AGBL1: variants seen among roughly 807,000 people sequenced by gnomAD.
AGBL1 encodes AGBL carboxypeptidase 1.
In AGBL1, 130 loss-of-function variants were observed where a neutral mutation model predicts 118.9. The ratio of observed to expected loss-of-function variants is 1.09; its 90% CI spans 0.95 to 1.26. The LOEUF (loss-of-function observed/expected upper bound fraction) is 1.26. Among genes scored for constraint, AGBL1 ranks in the 50% most tolerant of loss-of-function variants. The pLI is 0.00. For synonymous variants in AGBL1, 555 were observed against 478.9 expected (o/e 1.16, Z -2.08); for missense variants, 1,584 against 1,298.1 (o/e 1.22, Z -3.38).
At chr15:86,221,319 T>C (rs1346367951) in intron 5 of AGBL1, among the ~76,000 whole-genome samples, 3 of 152,226 alleles carry the variant, frequency 2.0e-5, no homozygotes, top group African/African-American at 7.2e-5. Context: ...CCAAAGGCAC[T>C]GACTGTGGGC....
At chr15:86,968,814 G>T (rs930793765) in intron 23 of AGBL1, among the ~76,000 whole-genome samples, 2 of 151,896 alleles carry the variant, frequency 1.3e-5, no homozygotes, top group African/African-American at 4.8e-5. Flanking sequence ...GATACCAGGA[G>T]ATTCGGTGTC....
At position 86,154,455 on chromosome 15, in the gene AGBL1, A is replaced by G. The variant is rs1240606935; in HGVS notation, c.288A>G (p.Leu96=). 3 of 1,612,852 alleles carry G rather than the reference A, an allele frequency of 1.9e-6. No individual in the cohort carries two copies. The highest frequency in any genetic ancestry group is 2.5e-6 in the Non-Finnish European group (3 of 1,179,436). ...ATAAAAAGATTGGACGGAAGGCCCTAGAATTGGAAGCACTTGATGTGACAT... is the reference window on the plus strand; with the variant it reads ...ATAAAAAGATTGGACGGAAGGCCCTGGAATTGGAAGCACTTGATGTGACAT... ...LRDKKIGRKA[L]ELEALDVTLI... The change falls in exon 4 of 23, where the codon CTA becomes CTG. Residue 96 remains leucine, a synonymous_variant. Coordinates refer to ENST00000614907, the MANE Select transcript of AGBL1 (RefSeq NM_001386094.1).
Position 86,267,395 on chromosome 15 carries a change from C to T in AGBL1, c.1838+319C>T, listed in dbSNP as rs79949544. Among the ~76,000 whole-genome samples the T allele has an allele frequency of 1.0e-2, 1,515 of 152,226 alleles. 31 individuals are homozygous for T. The highest frequency in any genetic ancestry group is 0.032 in the African/African-American group (1,313 of 41,538). The stretch of plus-strand genomic sequence containing the variant: ...TGTTTCAAATAATGGGTCCATATTT[C>T]GGTGTGAGAGCACTTTGACTGGGAT... On this transcript the variant is annotated intron_variant, in intron 13 of 22. Transcript: ENST00000614907.
At chr15:86,400,159 A>G (rs1019027385) in intron 18 of AGBL1, among the ~76,000 whole-genome samples, 3 of 152,112 alleles carry the variant, frequency 2.0e-5, no homozygotes, top group Non-Finnish European at 2.9e-5. Flanking sequence ...ATTTTATTTC[A>G]GGGCATGCCC....
chr15:86,448,273 C>A (rs1384722317), intron 18 of AGBL1, among the ~76,000 whole-genome samples: 1 of 152,140 alleles, frequency 6.6e-6, no homozygotes, highest in Non-Finnish European at 1.5e-5. Flanking sequence ...GATTTGTTAG[C>A]CATCATTGTT....
At chr15:86,457,238 C>T (rs949671084) in intron 18 of AGBL1, among the ~76,000 whole-genome samples, 3 of 152,122 alleles carry the variant, frequency 2.0e-5, no homozygotes, top group African/African-American at 7.2e-5. Context: ...GACTAAAACC[C>T]AGCATAAGCA....
intron 21 of AGBL1, among the ~76,000 whole-genome samples, chr15:86,633,687 T>C (rs2447278): frequency 0.91 from 136,986 of 150,996 alleles, 62,313 homozygotes; most frequent in East Asian, 1. Context: ...TTCTGTCTTA[T>C]ATTTCAAACA....
At chr15:86,580,070 C>T (rs1264344676) in intron 21 of AGBL1, among the ~76,000 whole-genome samples, 4 of 152,104 alleles carry the variant, frequency 2.6e-5, no homozygotes, top group African/African-American at 4.8e-5. Flanking sequence ...AAGTCCATGG[C>T]CAATTTCTTC....
At chr15:86,192,764 A>G (rs918767778) in intron 5 of AGBL1, among the ~76,000 whole-genome samples, 2 of 152,220 alleles carry the variant, frequency 1.3e-5, no homozygotes, top group African/African-American at 2.4e-5. Flanking sequence ...GTCATTAAAA[A>G]TCAGATGTCA....
Position 86,101,746 on chromosome 15 carries a change from T to G in AGBL1, c.51+21723T>G, listed in dbSNP as rs1410228584. Among the ~76,000 whole-genome samples the G allele has an allele frequency of 1.3e-5, 2 of 152,178 alleles. 1 individual carries two copies. Among genetic ancestry groups the G allele is most frequent in the African/African-American group, 4.8e-5 (2 of 41,448 alleles). On this transcript the variant is annotated intron_variant, in intron 1 of 22. Transcript: ENST00000614907. Reference sequence around the variant, plus strand: ...GAATATATTTTTCTATCCCCTGACTTTCACCTATATGTTTCTTTACAGGTG... The same window carrying G: ...GAATATATTTTTCTATCCCCTGACTGTCACCTATATGTTTCTTTACAGGTG...
At chr15:86,976,960 C>G (rs528137445) in intron 23 of AGBL1, among the ~76,000 whole-genome samples, 7 of 151,910 alleles carry the variant, frequency 4.6e-5, no homozygotes, top group Non-Finnish European at 1.0e-4. Flanking sequence ...ACATTTGCAG[C>G]ATGTTATATT....
At chr15:86,412,187 A>T (rs535991964) in intron 18 of AGBL1, among the ~76,000 whole-genome samples, 1 of 152,354 alleles carries the variant, frequency 6.6e-6, no homozygotes, top group Non-Finnish European at 1.5e-5. Flanking sequence ...CTATACAGAC[A>T]TGCATTCACC....
intron 5 of AGBL1, among the ~76,000 whole-genome samples, chr15:86,171,852 A>G (rs940823960): frequency 6.6e-6 from 1 of 152,216 alleles, no homozygotes; most frequent in African/African-American, 2.4e-5. Context: ...GTGGGATACC[A>G]CTTAGCCATA....
At chr15:86,433,266 C>CTT (rs59417397) in intron 18 of AGBL1, among the ~76,000 whole-genome samples, 1,282 of 74,732 alleles carry the variant, frequency 0.017, 241 homozygotes, top group African/African-American at 0.049. Flanking sequence ...CCTCCTTCTT[C>CTT]TTTTTTTTTT....
At chr15:86,825,686 AGAG>A (rs1266664322) in intron 22 of AGBL1, among the ~76,000 whole-genome samples, 24 of 124,680 alleles carry the variant, frequency 1.9e-4, no homozygotes, top group African/African-American at 7.4e-4. Flanking sequence ...GAAGGAAGGG[AGAG>A]AGGGAGGGAG....
At chr15:86,143,181 C>G (rs987232601) in intron 2 of AGBL1, among the ~76,000 whole-genome samples, 1 of 152,180 alleles carries the variant, frequency 6.6e-6, no homozygotes, top group Non-Finnish European at 1.5e-5. Context: ...ATGTTTCTTT[C>G]TCAAGGGACT....
At chr15:86,347,865 A>G (rs1297984846) in intron 17 of AGBL1, among the ~76,000 whole-genome samples, 1 of 152,240 alleles carries the variant, frequency 6.6e-6, no homozygotes, top group African/African-American at 2.4e-5. Flanking sequence ...TTGCTCTATC[A>G]GCTGCCATTG....
intron 24 of AGBL1, among the ~76,000 whole-genome samples, chr15:87,016,037 G>C (rs941732402): frequency 8.5e-5 from 13 of 152,114 alleles, no homozygotes; most frequent in Non-Finnish European, 1.9e-4. Flanking sequence ...TGACTTTATT[G>C]CTTAACCAAG....
intron 17 of AGBL1, among the ~76,000 whole-genome samples, chr15:86,364,471 C>T (rs993294807): frequency 6.6e-6 from 1 of 152,158 alleles, no homozygotes; most frequent in African/African-American, 2.4e-5. Flanking sequence ...ATCACCTACT[C>T]GTACCACATG....
Sources: allele counts gnomAD v4.1 joint callset (sites outside exome capture counted in the v4.1 genomes callset), GRCh38; gene constraint gnomAD v4.1.1; transcripts MANE v1.5; gene names NCBI Gene and HGNC (gene_info 2026-07-23, HGNC 2026-07-21).